Variants in CBFA2T2 observed in about 807,000 individuals in gnomAD.
CBFA2T2 encodes the protein CBFA2/RUNX1 partner transcriptional co-repressor 2, also known as protein CBFA2T2.
Under a neutral mutation model 62.2 loss-of-function variants are expected in CBFA2T2, and 11 were observed. That is an observed-to-expected ratio of 0.18 (90% confidence interval 0.11 to 0.29). The LOEUF (loss-of-function observed/expected upper bound fraction) is 0.29. Ranked by LOEUF, CBFA2T2 falls within the 10% of genes least tolerant of loss-of-function variation. The pLI is 1.00. For missense variants in CBFA2T2, 592 were observed against 774.1 expected, an observed-to-expected ratio of 0.76 and a Z score of 2.79; for synonymous variants, 295 against 287.5, an observed-to-expected ratio of 1.03 and a Z score of -0.27.
intron 1 of CBFA2T2, among the ~76,000 whole-genome samples, chr20:33,498,925 C>T (rs921342018): frequency 1.3e-5 from 2 of 151,982 alleles, no homozygotes; most frequent in Admixed American, 1.3e-4. Context: ...TGCCTATCAT[C>T]TCAGCTACTC....
Position 33,613,377 on chromosome 20 carries a change from A to T in CBFA2T2, c.420+2042A>T, listed in dbSNP as rs141499467. Among the ~76,000 whole-genome samples, 6 of 152,338 alleles carry T rather than the reference A, an allele frequency of 3.9e-5. No individual in the cohort carries two copies. In the East Asian group the frequency reaches 7.7e-4, roughly 20 times the overall value. On this transcript the variant is annotated intron_variant, in intron 3 of 10. Coordinates refer to ENST00000342704, the MANE Select transcript of CBFA2T2 (RefSeq NM_001032999.3). ...TTGACATACAGTTGTGCTCACAGCTAAGATCTATTACAGAGGCATAGTAAG... is the reference window on the plus strand; with the variant it reads ...TTGACATACAGTTGTGCTCACAGCTTAGATCTATTACAGAGGCATAGTAAG...
chr20:33,498,504 C>G (rs934629348), intron 1 of CBFA2T2, among the ~76,000 whole-genome samples: 32 of 151,694 alleles, frequency 2.1e-4, no homozygotes, highest in Middle Eastern at 3.4e-3. Context: ...CTGCCCACCT[C>G]GGCCTCCCAA....
intron 5 of CBFA2T2, chr20:33,623,872 A>G (rs978079339): frequency 2.8e-6 from 2 of 717,456 alleles, no homozygotes; most frequent in African/African-American, 3.5e-5. Flanking sequence ...ACTCTACTCT[A>G]GAGAATTTAT....
At chr20:33,582,663 C>T (rs535792552) in intron 1 of CBFA2T2, among the ~76,000 whole-genome samples, 18 of 151,924 alleles carry the variant, frequency 1.2e-4, no homozygotes, top group South Asian at 4.2e-4. Flanking sequence ...TCTACTATGC[C>T]GGGTGCGGTG....
chr20:33,529,509 A>G (rs1375029697), intron 1 of CBFA2T2, among the ~76,000 whole-genome samples: 2 of 151,656 alleles, frequency 1.3e-5, no homozygotes, highest in Non-Finnish European at 2.9e-5. Flanking sequence ...TCGCGCCTGT[A>G]ATCCCAGCAT....
chr20:33,559,172 C>CTTTTTTTTTTTT lies in CBFA2T2; in HGVS notation c.35-47774_35-47763dup, dbSNP rs376048540. 2.9e-3 allele frequency among the ~76,000 whole-genome samples: 252 copies of CTTTTTTTTTTTT among 87,620 alleles called. 18 individuals carry two copies. Among genetic ancestry groups the CTTTTTTTTTTTT allele is most frequent in the African/African-American group, 0.011 (214 of 19,096 alleles). The allele number at this position is 87,620 out of a possible 152,430, so 57.5% of individuals were successfully genotyped here. ...CAATTGCAGCTTCTTTTTTTCCTTTCTTTTTTTTTTTTTTTTTTTTTCTGA... is the reference window on the plus strand; with the variant it reads ...CAATTGCAGCTTCTTTTTTTCCTTTCTTTTTTTTTTTTTTTTTTTTTTTTTTTTTTTTTCTGA... On this transcript the variant is annotated intron_variant, in intron 1 of 10. Transcript: ENST00000342704.
At chr20:33,601,346 C>A (rs922574549) in intron 1 of CBFA2T2, among the ~76,000 whole-genome samples, 7 of 152,120 alleles carry the variant, frequency 4.6e-5, no homozygotes, top group Non-Finnish European at 1.0e-4. Context: ...CTTATTGCAG[C>A]CTCTGCCTCT....
At chr20:33,545,428 ACTCTTTCTTT>A (rs1176425503) in intron 1 of CBFA2T2, among the ~76,000 whole-genome samples, 2 of 121,076 alleles carry the variant, frequency 1.7e-5, no homozygotes, top group Non-Finnish European at 3.4e-5. Flanking sequence ...TCTCATTAAG[ACTCTTTCTTT>A]CTCTTTCTTT....
At position 33,640,433 on chromosome 20, in the gene CBFA2T2, A is replaced by G. The variant is rs767425238; in HGVS notation, c.1390A>G (p.Thr464Ala). 1.9e-5 allele frequency: 30 copies of G among 1,614,166 alleles called. No homozygotes were observed. Among genetic ancestry groups the G allele is most frequent in the Middle Eastern group, 1.6e-4 (1 of 6,084 alleles). ...AEQKAFEVIATERARMEQTIA... is the reference protein window; with the variant it reads ...AEQKAFEVIAAERARMEQTIA... ...GCAGAAAGCCTTTGAAGTGATTGCA[A>G]CAGAGAGAGCACGAATGGAGCAAAC... is the stretch of plus-strand genomic sequence containing the variant. The change falls in exon 10 of 11, where the codon ACA (threonine) becomes GCA (alanine). Residue 464 changes from threonine (T) to alanine (A), a missense_variant. By Grantham distance (58) the Thr-to-Ala change is moderately conservative. Around this residue, in one of 3 missense-constraint regions of CBFA2T2, gnomAD observed 58 missense variants for 123.9 expected, o/e 0.47. Coordinates refer to ENST00000342704, the MANE Select transcript of CBFA2T2 (RefSeq NM_001032999.3).
At chr20:33,643,809 A>C (rs1411596930) in intron 10 of CBFA2T2, among the ~76,000 whole-genome samples, 1 of 27,270 alleles carries the variant, frequency 3.7e-5, no homozygotes, top group Non-Finnish European at 6.3e-5. Context: ...ATATATATAT[A>C]TATATATAGT....
chr20:33,616,841 G>A (rs1472180988), intron 3 of CBFA2T2, among the ~76,000 whole-genome samples: 3 of 152,040 alleles, frequency 2.0e-5, no homozygotes, highest in Non-Finnish European at 2.9e-5. Context: ...ACCTCTCAAC[G>A]TTCTTCTCTC....
In CBFA2T2 at chr20:33,512,908, A is replaced by C. The variant is rs6141961; in HGVS notation, c.34+22607A>C. ...GTTGGGACTACAGGCTCCTGCCACCAAGCCCAGCTAATTTTTTGTATTTTT... is the reference window on the plus strand; with the variant it reads ...GTTGGGACTACAGGCTCCTGCCACCCAGCCCAGCTAATTTTTTGTATTTTT... On this transcript the variant is annotated intron_variant, in intron 1 of 10. Transcript: ENST00000342704. Among the ~76,000 whole-genome samples, 5 of 151,868 alleles carry C rather than the reference A, an allele frequency of 3.3e-5. No individual in the cohort carries two copies. In the East Asian group the frequency reaches 9.7e-4, roughly 29 times the overall value.
rs749677070 is a variant in CBFA2T2 at position 33,640,576 on chromosome 20, AC to A, written c.1488+47del. On this transcript the variant is annotated intron_variant, in intron 10 of 10. Transcript: ENST00000342704. ...GGGGCTGGGGTGAGCAGCTGGAGTG[AC>A]CACGCCCGCTGCCTTCCTCTCATAC... is the stretch of plus-strand genomic sequence containing the variant. The A allele has an allele frequency of 2.4e-5, 37 of 1,564,932 alleles. No individual in the cohort carries two copies. The African/African-American group carries it at 3.9e-4, about 17-fold the overall frequency.
At chr20:33,587,641 C>T (rs1386439172) in intron 1 of CBFA2T2, among the ~76,000 whole-genome samples, 3 of 152,140 alleles carry the variant, frequency 2.0e-5, no homozygotes, top group Admixed American at 6.5e-5. Context: ...CCTCATGATC[C>T]GCCTGCCTCA....
rs1339506949 is a variant in CBFA2T2 at position 33,604,070 on chromosome 20, C to T, written c.35-2886C>T. ...ATCAAAAATGCCACTTTACATTGTGCTTGGTGATTTTGCAGCTATTAATTC... is the reference window on the plus strand; with the variant it reads ...ATCAAAAATGCCACTTTACATTGTGTTTGGTGATTTTGCAGCTATTAATTC... On this transcript the variant is annotated intron_variant, in intron 1 of 10. Coordinates refer to ENST00000342704, the MANE Select transcript of CBFA2T2 (RefSeq NM_001032999.3). Among the ~76,000 whole-genome samples the T allele has an allele frequency of 3.9e-5, 6 of 152,300 alleles. No individual in the cohort carries two copies. In the East Asian group the frequency reaches 9.7e-4, roughly 25 times the overall value.
At chr20:33,628,022 T>A (rs1047833156) in intron 6 of CBFA2T2, among the ~76,000 whole-genome samples, 5 of 152,260 alleles carry the variant, frequency 3.3e-5, no homozygotes, top group Admixed American at 6.5e-5. Context: ...CACATCCTTG[T>A]CAACACTTAG....
At chr20:33,564,642 G>A (rs548223521) in intron 1 of CBFA2T2, among the ~76,000 whole-genome samples, 1 of 152,070 alleles carries the variant, frequency 6.6e-6, no homozygotes, top group Non-Finnish European at 1.5e-5. Context: ...GCAGAAGCAT[G>A]ATCATGGCTC....
intron 1 of CBFA2T2, among the ~76,000 whole-genome samples, chr20:33,544,296 T>C (rs748859797): frequency 2.0e-5 from 3 of 152,186 alleles, no homozygotes; most frequent in Non-Finnish European, 4.4e-5. Context: ...ACTGTAGGCC[T>C]AGTCTTGCCT....
At chr20:33,574,234 A>T in intron 1 of CBFA2T2, 1 of 1,613,668 alleles carries the variant, frequency 6.2e-7, no homozygotes, top group Non-Finnish European at 8.5e-7. Flanking sequence ...CTTGAAAGAA[A>T]TACAGGTCCT....
Sources: allele counts gnomAD v4.1 joint callset (sites outside exome capture counted in the v4.1 genomes callset), GRCh38; gene constraint gnomAD v4.1.1; regional missense constraint gnomAD v4.1.1; transcripts MANE v1.5; gene names NCBI Gene and HGNC (gene_info 2026-07-23, HGNC 2026-07-21).